The following MSRB3 variants were observed in gnomAD, a reference collection of about 807,000 sequenced individuals.
MSRB3 encodes methionine-R-sulfoxide reductase B3.
Under a neutral mutation model 21.0 loss-of-function variants are expected in MSRB3, and 13 were observed. The observed-to-expected ratio is 0.62, with a 90% CI of 0.40 to 0.98. MSRB3 has a LOEUF of 0.98. Ranked by LOEUF, MSRB3 falls within the 50% of genes least tolerant of loss-of-function variation. The pLI, the probability that MSRB3 is intolerant of heterozygous loss-of-function variation, is 0.00. For missense variants in MSRB3, 199 were observed against 230.3 expected (o/e 0.86, Z 0.88); for synonymous variants, 87 against 88.6 (o/e 0.98, Z 0.10).
chr12:65,362,752 G>A lies in MSRB3; in HGVS notation c.264-6246G>A, dbSNP rs11837578. 3.2e-3 allele frequency among the ~76,000 whole-genome samples: 483 copies of A among 152,248 alleles called. 4 individuals carry two copies. Among genetic ancestry groups the A allele is most frequent in the African/African-American group, 0.011 (451 of 41,556 alleles). On this transcript the variant is annotated intron_variant, in intron 4 of 6. Transcript: ENST00000308259. ...GTTTCAGAAGTTAGGTAGGCAAAGG[G>A]GTTAAGGTATAGTAGAGTGGGGGAG...
At position 65,425,512 on chromosome 12, in the gene MSRB3, T is replaced by A. The variant is rs190156220; in HGVS notation, c.293-28216T>A. On this transcript the variant is annotated intron_variant, in intron 5 of 6. Coordinates refer to ENST00000308259, the MANE Select transcript of MSRB3 (RefSeq NM_001031679.3). ...GATTTCTCACTCTCTATCTTTTGTA[T>A]ATCTACTGTAGCTTTTTGTTTTATG... Among the ~76,000 whole-genome samples the A allele has an allele frequency of 5.3e-5, 8 of 152,270 alleles. No homozygotes were observed. The East Asian group carries it at 1.4e-3, about 26-fold the overall frequency.
intron 5 of MSRB3, among the ~76,000 whole-genome samples, chr12:65,415,827 T>C (rs1320503694): frequency 1.3e-5 from 2 of 152,178 alleles, no homozygotes; most frequent in African/African-American, 4.8e-5. Flanking sequence ...CAACTGCCTT[T>C]CATGACCTTA....
rs552087874 is a variant in MSRB3, at chr12:65,439,647, C to T, written c.293-14081C>T. On this transcript the variant is annotated intron_variant, in intron 5 of 6. Coordinates refer to ENST00000308259, the MANE Select transcript of MSRB3 (RefSeq NM_001031679.3). Reference sequence around the variant, plus strand: ...TCTATGGGGTACAATAAACATTAAACTTAAAGGAAATGTTGTAATCTTGAA... The same window carrying T: ...TCTATGGGGTACAATAAACATTAAATTTAAAGGAAATGTTGTAATCTTGAA... 2.7e-5 allele frequency among the ~76,000 whole-genome samples: 4 copies of T among 150,896 alleles called. No homozygotes were observed. The South Asian group carries it at 6.3e-4, about 24-fold the overall frequency.
intron 6 of MSRB3, among the ~76,000 whole-genome samples, chr12:65,456,838 C>T (rs1883110213): frequency 6.6e-6 from 1 of 152,176 alleles, no homozygotes; most frequent in African/African-American, 2.4e-5. Flanking sequence ...GTGCCACACC[C>T]TTGCCCTTGT....
rs1879992089 is a variant in MSRB3 at position 65,399,363 on chromosome 12, T to C, written c.292+30337T>C. Reference sequence around the variant, plus strand: ...TTTCCTAGGTATTTTATTCTCTTTGTACCTATTGTGAATGGGAGTTCACTC... The same window carrying C: ...TTTCCTAGGTATTTTATTCTCTTTGCACCTATTGTGAATGGGAGTTCACTC... On this transcript the variant is annotated intron_variant, in intron 5 of 6. Coordinates refer to ENST00000308259, the MANE Select transcript of MSRB3 (RefSeq NM_001031679.3). Among the ~76,000 whole-genome samples the C allele has an allele frequency of 3.3e-5, 5 of 152,162 alleles. 1 individual carries two copies. In the South Asian group the frequency reaches 1.0e-3, roughly 32 times the overall value.
chr12:65,318,912 C>T (rs1050745605), intron 2 of MSRB3, among the ~76,000 whole-genome samples: 2 of 152,004 alleles, frequency 1.3e-5, no homozygotes, highest in African/African-American at 4.8e-5. Flanking sequence ...ATTTATAACA[C>T]AAATGAAAGA....
At chr12:65,387,256 C>T (rs1245473324) in intron 5 of MSRB3, among the ~76,000 whole-genome samples, 2 of 152,070 alleles carry the variant, frequency 1.3e-5, no homozygotes, top group African/African-American at 2.4e-5. Flanking sequence ...TGACTTTTAA[C>T]TTTTACTGTG....
intron 1 of MSRB3, chr12:65,279,419 C>T (rs1871875323): frequency 6.6e-6 from 1 of 152,156 alleles, no homozygotes; most frequent in African/African-American, 2.4e-5. Flanking sequence ...CACCCGCCGC[C>T]CGCCCTCCCT....
chr12:65,382,170 G>A (rs554665834), intron 5 of MSRB3, among the ~76,000 whole-genome samples: 3 of 152,020 alleles, frequency 2.0e-5, no homozygotes, highest in Non-Finnish European at 4.4e-5. Flanking sequence ...AAGGCTATAT[G>A]TAGATGGTGA....
intron 5 of MSRB3, among the ~76,000 whole-genome samples, chr12:65,396,742 AAGAAAG>A (rs1879833938): frequency 6.8e-6 from 1 of 146,538 alleles, no homozygotes; most frequent in Non-Finnish European, 1.5e-5. Context: ...GAAAGAAAGA[AAGAAAG>A]AAAGAAAACC....
chr12:65,401,580 CT>C (rs1295013913), intron 5 of MSRB3, among the ~76,000 whole-genome samples: 2 of 152,100 alleles, frequency 1.3e-5, no homozygotes, highest in Admixed American at 6.6e-5. Flanking sequence ...TAGTCTGTGT[CT>C]TTTAATTGGG....
Position 65,388,698 on chromosome 12 carries a change from C to T in MSRB3, c.292+19672C>T, listed in dbSNP as rs1026011360. On this transcript the variant is annotated intron_variant, in intron 5 of 6. Transcript: ENST00000308259. ...CAGCCTGGGCAACATAGTGAGAACC[C>T]GTCTCTCCAAGAACATACAAAAATT... 4.6e-5 allele frequency among the ~76,000 whole-genome samples: 7 copies of T among 152,056 alleles called. No individual in the cohort carries two copies. The East Asian group carries it at 5.8e-4, about 13-fold the overall frequency.
intron 4 of MSRB3, among the ~76,000 whole-genome samples, chr12:65,329,426 C>T (rs894995034): frequency 2.6e-5 from 4 of 151,974 alleles, no homozygotes; most frequent in Admixed American, 2.0e-4. Context: ...AAGACGGGTG[C>T]ATCACTTGAG....
rs1410764589 is a variant in MSRB3, at chr12:65,410,434, T to A, written c.292+41408T>A. ...ACTTTGGGAGGCCGAGGCAGGCGGA[T>A]CACTTGAGGCCAGCCTGGACAACAG... On this transcript the variant is annotated intron_variant, in intron 5 of 6. Transcript: ENST00000308259. Among the ~76,000 whole-genome samples the A allele has an allele frequency of 3.9e-5, 6 of 152,030 alleles. No homozygotes were observed. The East Asian group carries it at 9.6e-4, about 24-fold the overall frequency.
intron 2 of MSRB3, among the ~76,000 whole-genome samples, chr12:65,313,558 C>T (rs544489874): frequency 6.6e-6 from 1 of 152,020 alleles, no homozygotes; most frequent in African/African-American, 2.4e-5. Flanking sequence ...TTCTGAAACT[C>T]TTCAAAGGGG....
intron 1 of MSRB3, among the ~76,000 whole-genome samples, chr12:65,295,286 G>C (rs1872897390): frequency 6.6e-6 from 1 of 152,204 alleles, no homozygotes; most frequent in Non-Finnish European, 1.5e-5. Flanking sequence ...GAGAAACTTA[G>C]GATTCTTGTC....
At chr12:65,294,022 TG>T (rs1872808497) in intron 1 of MSRB3, among the ~76,000 whole-genome samples, 1 of 152,194 alleles carries the variant, frequency 6.6e-6, no homozygotes, top group Non-Finnish European at 1.5e-5. Flanking sequence ...GATAGTGTTC[TG>T]GGGTTGAAGT....
intron 4 of MSRB3, among the ~76,000 whole-genome samples, chr12:65,349,580 G>A (rs1445543382): frequency 1.4e-5 from 2 of 147,336 alleles, no homozygotes; most frequent in South Asian, 2.1e-4. Flanking sequence ...GTTGTTTCCT[G>A]ACTTTTTAAT....
At chr12:65,461,630 A>G (rs1883334905) in intron 6 of MSRB3, among the ~76,000 whole-genome samples, 1 of 152,188 alleles carries the variant, frequency 6.6e-6, no homozygotes, top group African/African-American at 2.4e-5. Context: ...AGGGAAACTA[A>G]GATTCTAGTG....
Sources: allele counts gnomAD v4.1 joint callset (sites outside exome capture counted in the v4.1 genomes callset), GRCh38; gene constraint gnomAD v4.1.1; transcripts MANE v1.5; gene names NCBI Gene and HGNC (gene_info 2026-07-23, HGNC 2026-07-21).